The following EXOC4 variants were observed in gnomAD, a reference collection of about 807,000 sequenced individuals.
EXOC4 encodes the protein SEC8-like 1.
A neutral mutation model predicts 107.2 loss-of-function variants in EXOC4; 71 were observed. That is an observed-to-expected ratio of 0.66 (90% CI 0.55 to 0.81). EXOC4 has a LOEUF of 0.81. Ranked by LOEUF, EXOC4 falls within the 30% of genes least tolerant of loss-of-function variation. The probability of loss-of-function intolerance (pLI) is 0.00; values close to 1 mark genes in which losing one functional copy is unlikely to be tolerated. For missense variants in EXOC4, 1,108 were observed against 1,189.6 expected (o/e 0.93, Z 1.01); for synonymous variants, 456 against 441.2 (o/e 1.03, Z -0.42).
At chr7:133,603,587 C>T (rs933491763) in intron 9 of EXOC4, among the ~76,000 whole-genome samples, 12 of 152,150 alleles carry the variant, frequency 7.9e-5, no homozygotes, top group African/African-American at 2.4e-4. Flanking sequence ...ACATGCACAA[C>T]GTGTAGGCAA....
chr7:134,020,953 T>G (rs1006082895), intron 17 of EXOC4, among the ~76,000 whole-genome samples: 2 of 150,486 alleles, frequency 1.3e-5, no homozygotes, highest in African/African-American at 4.9e-5. Flanking sequence ...ACCACTGCAC[T>G]CCAGCCTGGG....
chr7:133,936,436 CA>C (rs1282914330), intron 13 of EXOC4, among the ~76,000 whole-genome samples: 4 of 152,338 alleles, frequency 2.6e-5, no homozygotes, highest in African/African-American at 7.2e-5. Flanking sequence ...TTTTATTAAT[CA>C]CTGCATGCTC....
chr7:133,698,587 A>AT (rs1554387395), intron 10 of EXOC4, among the ~76,000 whole-genome samples: 109 of 151,546 alleles, frequency 7.2e-4, no homozygotes, highest in Middle Eastern at 3.4e-3. Context: ...AAAAAAAAAA[A>AT]ATATAGAAGA....
At chr7:133,557,947 G>A (rs184979625) in intron 9 of EXOC4, among the ~76,000 whole-genome samples, 80 of 152,208 alleles carry the variant, frequency 5.3e-4, no homozygotes, top group African/African-American at 1.9e-3. Context: ...GCCAAGATCA[G>A]CACTGCACTC....
rs1233338111 is a variant in EXOC4 at position 133,819,282 on chromosome 7, T to TTC, written c.1734+1739_1734+1740insCT. 3.3e-5 allele frequency among the ~76,000 whole-genome samples: 5 copies of TTC among 151,718 alleles called. No individual in the cohort carries two copies. In the East Asian group the frequency reaches 9.7e-4, roughly 29 times the overall value. On this transcript the variant is annotated intron_variant, in intron 11 of 17. Coordinates refer to ENST00000253861, the MANE Select transcript of EXOC4 (RefSeq NM_021807.4). ...TGAATTATCTAAATGGAATACTTTT[T>TTC]TTTTTTTTGTCAAGATCCCAGATAG...
At chr7:134,081,352 A>C in the EXOC4 span, among the ~76,000 whole-genome samples, 1 of 152,152 alleles carries the variant, frequency 6.6e-6, no homozygotes, top group African/African-American at 2.4e-5. Context: ...TCCGCCTCAA[A>C]AAATTAAATA....
the EXOC4 span, among the ~76,000 whole-genome samples, chr7:134,075,297 C>T: frequency 6.6e-6 from 1 of 152,158 alleles, no homozygotes; most frequent in East Asian, 1.9e-4. Context: ...ATATATCTTG[C>T]TCTCCCTCTT....
intron 9 of EXOC4, among the ~76,000 whole-genome samples, chr7:133,540,536 G>A (rs1800360311): frequency 6.6e-6 from 1 of 152,134 alleles, no homozygotes; most frequent in Non-Finnish European, 1.5e-5. Flanking sequence ...TTGCTAAGTT[G>A]CCTTTTTATT....
At chr7:133,724,448 C>T (rs567417247) in intron 10 of EXOC4, among the ~76,000 whole-genome samples, 1 of 152,160 alleles carries the variant, frequency 6.6e-6, no homozygotes, top group Non-Finnish European at 1.5e-5. Context: ...AGCACTCATT[C>T]AACAAATATT....
chr7:134,007,775 T>G lies in EXOC4; in HGVS notation c.2627T>G (p.Val876Gly). The change falls in exon 17 of 18, where the codon GTT becomes GGT. Residue 876 changes from valine (V) to glycine (G), a missense_variant. By Grantham distance (109) the Val-to-Gly change is moderately radical (BLOSUM62 -3). Coordinates refer to ENST00000253861, the MANE Select transcript of EXOC4 (RefSeq NM_021807.4). ...AAGAAAATGTGTAGGAACATTTTTG[T>G]TCTTCAGCAGAATTTGACCAACATC... ...GIKKMCRNIF[V>G]LQQNLTNITM... 6.2e-7 allele frequency: 1 copy of G among 1,613,622 alleles called. No individual in the cohort carries two copies. Among genetic ancestry groups the G allele is most frequent in the African/African-American group, 1.3e-5 (1 of 75,008 alleles).
intron 17 of EXOC4, among the ~76,000 whole-genome samples, chr7:134,027,485 C>T (rs923846434): frequency 6.6e-6 from 1 of 152,014 alleles, no homozygotes; most frequent in Non-Finnish European, 1.5e-5. Context: ...TGGTGGAACC[C>T]TGTCTCTACT....
At chr7:134,027,080 T>C (rs890060388) in intron 17 of EXOC4, among the ~76,000 whole-genome samples, 2 of 152,162 alleles carry the variant, frequency 1.3e-5, no homozygotes, top group African/African-American at 2.4e-5. Flanking sequence ...ATCAAGGTGA[T>C]TGCTATCAAG....
At chr7:133,707,557 A>G (rs1487303492) in intron 10 of EXOC4, among the ~76,000 whole-genome samples, 2 of 149,712 alleles carry the variant, frequency 1.3e-5, no homozygotes, top group African/African-American at 4.9e-5. Context: ...AATCTGCCCA[A>G]TTTTTGCTCA....
At chr7:133,957,412 T>G (rs1208897831) in intron 14 of EXOC4, among the ~76,000 whole-genome samples, 1 of 152,216 alleles carries the variant, frequency 6.6e-6, no homozygotes, top group African/African-American at 2.4e-5. Flanking sequence ...TTTCAAGCAC[T>G]TACTTTTGAA....
At chr7:133,591,236 T>C (rs1801535272) in intron 9 of EXOC4, among the ~76,000 whole-genome samples, 1 of 152,142 alleles carries the variant, frequency 6.6e-6, no homozygotes, top group African/African-American at 2.4e-5. Flanking sequence ...CTCACTATTT[T>C]CCCCATGCTG....
intron 9 of EXOC4, among the ~76,000 whole-genome samples, chr7:133,546,916 A>G (rs537992344): frequency 2.6e-5 from 4 of 152,144 alleles, no homozygotes; most frequent in Non-Finnish European, 5.9e-5. Flanking sequence ...TATGCATTTT[A>G]GCTGATCCTC....
chr7:134,074,317 C>T, the EXOC4 span, among the ~76,000 whole-genome samples: 1 of 152,356 alleles, frequency 6.6e-6, no homozygotes, highest in Non-Finnish European at 1.5e-5. Context: ...CCTCCCCTCC[C>T]TTCTTCTCCC....
intron 10 of EXOC4, among the ~76,000 whole-genome samples, chr7:133,700,027 T>C (rs781283126): frequency 2.0e-5 from 3 of 152,202 alleles, no homozygotes; most frequent in Non-Finnish European, 4.4e-5. Context: ...TGTTATTCAA[T>C]CCTATATGCT....
chr7:133,373,927 G>T (rs753579593), intron 6 of EXOC4, among the ~76,000 whole-genome samples: 2 of 152,170 alleles, frequency 1.3e-5, no homozygotes, highest in Non-Finnish European at 2.9e-5. Context: ...GACATTTATT[G>T]AGCAGCATAT....
Sources: allele counts gnomAD v4.1 joint callset (sites outside exome capture counted in the v4.1 genomes callset), GRCh38; gene constraint gnomAD v4.1.1; transcripts MANE v1.5; gene names NCBI Gene and HGNC (gene_info 2026-07-23, HGNC 2026-07-21).